The following CNTLN variants were observed in gnomAD, a reference collection of about 807,000 sequenced individuals.
CNTLN encodes the protein centlein.
Under a neutral mutation model 180.0 loss-of-function variants are expected in CNTLN, and 212 were observed. The observed-to-expected ratio is 1.18, with a 90% CI of 1.05 to 1.32. CNTLN has a LOEUF of 1.32. CNTLN is among the 40% of genes most tolerant of loss of function. The pLI is 0.00. For synonymous variants in CNTLN, 722 were observed against 563.1 expected (o/e 1.28, Z -3.99); for missense variants, 2,095 against 1,610.9 (o/e 1.30, Z -5.14).
At chr9:17,218,879 G>A (rs948032145) in intron 2 of CNTLN, among the ~76,000 whole-genome samples, 1 of 151,994 alleles carries the variant, frequency 6.6e-6, no homozygotes, top group Non-Finnish European at 1.5e-5. Context: ...CAGAAAATAT[G>A]ATCCTGTTGT....
intron 2 of CNTLN, among the ~76,000 whole-genome samples, chr9:17,210,428 G>A (rs1823214804): frequency 6.6e-6 from 1 of 152,176 alleles, no homozygotes; most frequent in Non-Finnish European, 1.5e-5. Flanking sequence ...AGTCCATGGT[G>A]TATATGTGCC....
chr9:17,207,125 C>T (rs373651914), intron 2 of CNTLN, among the ~76,000 whole-genome samples: 11 of 152,194 alleles, frequency 7.2e-5, no homozygotes, highest in African/African-American at 2.4e-4. Flanking sequence ...GTGAATCCTC[C>T]ATAGTCTGGT....
intron 18 of CNTLN, among the ~76,000 whole-genome samples, chr9:17,421,574 A>G (rs1031184632): frequency 2.0e-5 from 3 of 152,100 alleles, no homozygotes; most frequent in South Asian, 2.1e-4. Flanking sequence ...ATTCAGTATT[A>G]TTATTCATAG....
chr9:17,373,539 A>G (rs1440515561), intron 13 of CNTLN, among the ~76,000 whole-genome samples: 5 of 152,274 alleles, frequency 3.3e-5, no homozygotes, highest in Middle Eastern at 3.4e-3. Context: ...CAATATTGTT[A>G]AAATGACCAT....
intron 14 of CNTLN, among the ~76,000 whole-genome samples, chr9:17,390,446 G>A (rs9298777): frequency 0.8 from 120,707 of 151,638 alleles, 48,941 homozygotes; most frequent in Non-Finnish European, 0.87. Context: ...ATTTCACCAT[G>A]TTGGCCAGGC....
chr9:17,354,933 C>A (rs536215679), intron 12 of CNTLN, among the ~76,000 whole-genome samples: 4 of 152,176 alleles, frequency 2.6e-5, no homozygotes, highest in East Asian at 1.9e-4. Context: ...ACGAGCCCAC[C>A]GGGAGGAAGG....
At chr9:17,392,771 T>A (rs1167349610) in intron 14 of CNTLN, among the ~76,000 whole-genome samples, 1 of 152,016 alleles carries the variant, frequency 6.6e-6, no homozygotes, top group African/African-American at 2.4e-5. Flanking sequence ...TAAATTAATG[T>A]TGATTTAAAT....
rs1405461800 is a variant in CNTLN, at chr9:17,290,590, G to A, written c.984-7600G>A. ...TACCTAAGGAAGCCTGGGCAATGGC[G>A]GGCGCCCCTCCCCCAGCCTGGCTGC... On this transcript the variant is annotated intron_variant, in intron 6 of 25. Coordinates refer to ENST00000380647, the MANE Select transcript of CNTLN (RefSeq NM_017738.4). Among the ~76,000 whole-genome samples, 68 of 140,760 alleles carry A rather than the reference G, an allele frequency of 4.8e-4. 3 individuals carry two copies. The highest frequency in any genetic ancestry group is 1.4e-3 in the East Asian group (7 of 5,034). 92.3% of individuals were successfully genotyped at this position (140,760 alleles called of 152,430 possible). A position where few individuals can be genotyped will look rare whatever the true frequency, so the allele number is the denominator to read the frequency against.
intron 13 of CNTLN, among the ~76,000 whole-genome samples, chr9:17,371,702 CTG>C (rs1222194121): frequency 9.2e-5 from 14 of 152,114 alleles, no homozygotes; most frequent in Non-Finnish European, 1.3e-4. Flanking sequence ...CGAGGACAGA[CTG>C]TGTGTTAAGC....
intron 18 of CNTLN, among the ~76,000 whole-genome samples, chr9:17,448,752 G>T (rs377530064): frequency 6.6e-6 from 1 of 151,824 alleles, no homozygotes; most frequent in South Asian, 2.1e-4. Context: ...CTTTAAATTG[G>T]GATGGATTCT....
intron 5 of CNTLN, among the ~76,000 whole-genome samples, chr9:17,243,354 T>C (rs747143215): frequency 6.6e-6 from 1 of 152,306 alleles, no homozygotes; most frequent in Non-Finnish European, 1.5e-5. Flanking sequence ...TCTTTTCTTC[T>C]AATTTTGCAT....
At chr9:17,237,732 G>A (rs1346423945) in intron 5 of CNTLN, among the ~76,000 whole-genome samples, 2 of 151,706 alleles carry the variant, frequency 1.3e-5, no homozygotes, top group Non-Finnish European at 2.9e-5. Context: ...AGGGACGATG[G>A]TAATATGTAT....
chr9:17,515,693 G>A, the CNTLN span, among the ~76,000 whole-genome samples: 2 of 152,082 alleles, frequency 1.3e-5, no homozygotes, highest in East Asian at 1.9e-4. Context: ...CCCTCAGAAC[G>A]TATCCAGCAT....
At chr9:17,370,462 G>A (rs560942552) in intron 13 of CNTLN, among the ~76,000 whole-genome samples, 14 of 152,222 alleles carry the variant, frequency 9.2e-5, no homozygotes, top group South Asian at 8.3e-4. Flanking sequence ...AATATATCCT[G>A]CAAAAATATC....
intron 10 of CNTLN, among the ~76,000 whole-genome samples, chr9:17,338,125 T>TTTCCTTCCTTCCTTCCTTCCTTCC (rs71331485): frequency 6.8e-6 from 1 of 148,144 alleles, no homozygotes; most frequent in Non-Finnish European, 1.5e-5. Flanking sequence ...TCCCTCCTTC[T>TTTCCTTCCTTCCTTCCTTCCTTCC]TTCCTTCCTT....
At position 17,211,896 on chromosome 9, in the gene CNTLN, C is replaced by T. The variant is rs147652482; in HGVS notation, c.450-14307C>T. Among the ~76,000 whole-genome samples, 1,076 of 152,198 alleles carry T rather than the reference C, an allele frequency of 7.1e-3. 6 individuals carry two copies. The highest frequency in any genetic ancestry group is 8.4e-3 in the Admixed American group (128 of 15,276). On this transcript the variant is annotated intron_variant, in intron 2 of 25. Transcript: ENST00000380647. The stretch of plus-strand genomic sequence containing the variant: ...TATAAGAATGCTTGCGATTTTTGCA[C>T]ATTGATTTTGTATCCTGAGACTTTG...
intron 12 of CNTLN, among the ~76,000 whole-genome samples, chr9:17,360,639 T>C (rs113433211): frequency 1.8e-4 from 28 of 152,262 alleles, no homozygotes; most frequent in African/African-American, 6.3e-4. Flanking sequence ...TAGGAGAAGG[T>C]TCAGGAGAGT....
At chr9:17,275,838 A>G (rs1828275083) in intron 6 of CNTLN, among the ~76,000 whole-genome samples, 1 of 152,120 alleles carries the variant, frequency 6.6e-6, no homozygotes, top group African/African-American at 2.4e-5. Context: ...GTTTGATTAT[A>G]AGGACCTATA....
At chr9:17,423,725 G>A (rs1828888735) in intron 18 of CNTLN, among the ~76,000 whole-genome samples, 1 of 152,102 alleles carries the variant, frequency 6.6e-6, no homozygotes, top group African/African-American at 2.4e-5. Context: ...CCTACCAGTG[G>A]GGTGAAGGAC....
Sources: gnomAD v4.1 joint callset for allele counts (sites outside exome capture counted in the v4.1 genomes callset) on GRCh38, gnomAD v4.1.1 for gene constraint, MANE v1.5 for transcripts, NCBI Gene and HGNC (gene_info 2026-07-23, HGNC 2026-07-21) for gene names.